Variants in LRMDA observed in about 807,000 individuals in gnomAD.
LRMDA encodes the protein leucine rich melanocyte differentiation associated.
Under a neutral mutation model 29.8 loss-of-function variants are expected in LRMDA, and 18 were observed. The ratio of observed to expected loss-of-function variants is 0.60; its 90% CI spans 0.42 to 0.90. LRMDA has a LOEUF of 0.90. Among genes scored for constraint, LRMDA ranks in the 40% least tolerant of loss-of-function variants. The pLI is 0.00. For missense variants in LRMDA, 273 were observed against 273.9 expected, an observed-to-expected ratio of 1.00 and a Z score of 0.02; for synonymous variants, 125 against 109.4, an observed-to-expected ratio of 1.14 and a Z score of -0.89.
At chr10:75,665,166 C>A (rs2132138066) in intron 2 of LRMDA, among the ~76,000 whole-genome samples, 1 of 152,320 alleles carries the variant, frequency 6.6e-6, no homozygotes, top group African/African-American at 2.4e-5. Flanking sequence ...GAAATAGTTT[C>A]TTCACATGCC....
chr10:75,506,315 A>T (rs1845167963), intron 2 of LRMDA, among the ~76,000 whole-genome samples: 1 of 151,786 alleles, frequency 6.6e-6, no homozygotes, highest in Admixed American at 6.6e-5. Context: ...ACTTCCTGCC[A>T]CTCCCCTGTC....
intron 2 of LRMDA, among the ~76,000 whole-genome samples, chr10:75,729,131 C>T (rs1323092603): frequency 2.0e-5 from 3 of 152,200 alleles, no homozygotes; most frequent in Non-Finnish European, 2.9e-5. Context: ...CTCATGCAGT[C>T]GTCTCCCTTA....
chr10:76,026,607 A>G (rs997832760), intron 2 of LRMDA, among the ~76,000 whole-genome samples: 12 of 152,194 alleles, frequency 7.9e-5, no homozygotes, highest in Non-Finnish European at 1.5e-4. Context: ...CCCTTCCCAT[A>G]GTTAGGAAAA....
intron 2 of LRMDA, among the ~76,000 whole-genome samples, chr10:75,821,708 G>T (rs1336577606): frequency 2.6e-5 from 4 of 152,096 alleles, no homozygotes; most frequent in African/African-American, 9.7e-5. Context: ...GGCGGAGCTT[G>T]CAGTGAGCCG....
At chr10:76,188,034 G>A (rs1287280486) in intron 5 of LRMDA, among the ~76,000 whole-genome samples, 1 of 152,072 alleles carries the variant, frequency 6.6e-6, no homozygotes, top group African/African-American at 2.4e-5. Flanking sequence ...CAGAGACCCT[G>A]GGTAACTCCC....
In LRMDA at chr10:75,704,038, T is replaced by A. The variant is rs200963509; in HGVS notation, c.131+265544T>A. On this transcript the variant is annotated intron_variant, in intron 2 of 6. Transcript: ENST00000611255. ...TAATAAGTTATTCAAATAAAAACATTAGCAAAGGGTTTGCATTTCAGAGCA... is the reference window on the plus strand; with the variant it reads ...TAATAAGTTATTCAAATAAAAACATAAGCAAAGGGTTTGCATTTCAGAGCA... Among the ~76,000 whole-genome samples, 3 of 152,304 alleles carry A rather than the reference T, an allele frequency of 2.0e-5. No homozygotes were observed. The East Asian group carries it at 5.8e-4, about 29-fold the overall frequency.
intron 2 of LRMDA, among the ~76,000 whole-genome samples, chr10:75,649,870 T>C (rs1208791777): frequency 6.6e-6 from 1 of 152,330 alleles, no homozygotes; most frequent in South Asian, 2.1e-4. Flanking sequence ...CCCTAATGAT[T>C]AGTCATATTG....
In LRMDA at chr10:75,631,394, C is replaced by T. The variant is rs573091373; in HGVS notation, c.131+192900C>T. On this transcript the variant is annotated intron_variant, in intron 2 of 6. Transcript: ENST00000611255. ...CCCCTTCTAATGTCCAGGCAGTGAA[C>T]CTCACTGCACCCCCCCCGCCCCGCC... 1.3e-3 allele frequency among the ~76,000 whole-genome samples: 200 copies of T among 151,204 alleles called. No individual in the cohort carries two copies. In the Middle Eastern group the frequency reaches 0.017, roughly 13 times the overall value.
chr10:76,425,609 AT>A (rs1589179250), intron 6 of LRMDA, among the ~76,000 whole-genome samples: 2 of 151,490 alleles, frequency 1.3e-5, no homozygotes, highest in African/African-American at 4.8e-5. Flanking sequence ...TTTCATATAT[AT>A]TTTTTATTAT....
At chr10:76,346,685 T>A (rs1183666572) in intron 6 of LRMDA, 1 of 152,218 alleles carries the variant, frequency 6.6e-6, no homozygotes. Context: ...ATGTTTGTGA[T>A]CTCATTTAAT....
rs75531950 is a variant in LRMDA, at chr10:76,184,822, T to C, written c.516+126039T>C. On this transcript the variant is annotated intron_variant, in intron 5 of 6. Coordinates refer to ENST00000611255, the MANE Select transcript of LRMDA (RefSeq NM_001305581.2). ...ACAAGAAAGACTTCATGATGGATGG[T>C]GCTTATTTAATTGGCCAAAATGGAA... 5.7e-3 allele frequency among the ~76,000 whole-genome samples: 867 copies of C among 152,348 alleles called. 6 individuals are homozygous for C. The highest frequency in any genetic ancestry group is 0.017 in the African/African-American group (718 of 41,588).
intron 5 of LRMDA, among the ~76,000 whole-genome samples, chr10:76,164,593 G>A (rs1471177493): frequency 1.3e-5 from 2 of 152,200 alleles, no homozygotes; most frequent in Non-Finnish European, 2.9e-5. Flanking sequence ...GGTCTGCAAA[G>A]AATGAAATAT....
chr10:76,426,915 G>C (rs532219897), intron 6 of LRMDA, among the ~76,000 whole-genome samples: 4 of 152,256 alleles, frequency 2.6e-5, no homozygotes, highest in South Asian at 4.2e-4. Context: ...GAGAGTTGTA[G>C]ATGTGTGGTA....
At chr10:76,361,773 G>A (rs1360357162) in intron 6 of LRMDA, among the ~76,000 whole-genome samples, 1 of 152,110 alleles carries the variant, frequency 6.6e-6, no homozygotes, top group African/African-American at 2.4e-5. Flanking sequence ...TAACACTGAT[G>A]AGGTTATGAC....
At chr10:76,391,672 A>C (rs1841724873) in intron 6 of LRMDA, among the ~76,000 whole-genome samples, 1 of 152,206 alleles carries the variant, frequency 6.6e-6, no homozygotes, top group African/African-American at 2.4e-5. Flanking sequence ...TCAGCATGAA[A>C]TAAAACAACC....
At chr10:76,004,084 A>C (rs1250188409) in intron 2 of LRMDA, among the ~76,000 whole-genome samples, 1 of 152,250 alleles carries the variant, frequency 6.6e-6, no homozygotes, top group Non-Finnish European at 1.5e-5. Context: ...AGACTGATTA[A>C]AATTCTTATC....
At chr10:75,909,994 T>G (rs553000974) in intron 2 of LRMDA, among the ~76,000 whole-genome samples, 3 of 152,202 alleles carry the variant, frequency 2.0e-5, no homozygotes, top group Non-Finnish European at 4.4e-5. Flanking sequence ...TATGCACCAC[T>G]CAAGTTCTTC....
At chr10:75,458,526 T>C (rs1444950936) in intron 2 of LRMDA, among the ~76,000 whole-genome samples, 1 of 152,224 alleles carries the variant, frequency 6.6e-6, no homozygotes, top group East Asian at 1.9e-4. Flanking sequence ...TTAGCAGTGA[T>C]AGAATACTAA....
intron 6 of LRMDA, chr10:76,396,568 T>C (rs1410296001): frequency 2.0e-5 from 3 of 152,232 alleles, no homozygotes; most frequent in African/African-American, 7.2e-5. Flanking sequence ...AGCCAAGATG[T>C]CAGTGACCTG....
Sources: gnomAD v4.1 joint callset for allele counts (sites outside exome capture counted in the v4.1 genomes callset) on GRCh38, gnomAD v4.1.1 for gene constraint, MANE v1.5 for transcripts, NCBI Gene and HGNC (gene_info 2026-07-23, HGNC 2026-07-21) for gene names.